RAB13: variants seen among roughly 807,000 people sequenced by gnomAD.
The protein encoded by RAB13 is ras-related protein Rab-13.
Under a neutral mutation model 29.3 loss-of-function variants are expected in RAB13, and 15 were observed. The observed-to-expected ratio is 0.51, with a 90% confidence interval of 0.34 to 0.79. The LOEUF is 0.79. Among genes scored for constraint, RAB13 ranks in the 30% least tolerant of loss-of-function variants. The pLI is 0.01. For missense variants in RAB13, 186 were observed against 255.5 expected, an observed-to-expected ratio of 0.73 and a Z score of 1.85; for synonymous variants, 82 against 93.8, an observed-to-expected ratio of 0.87 and a Z score of 0.73.
At chr1:153,987,806 C>G (rs1649226562), upstream of RAB13, among the ~76,000 whole-genome samples, 1 of 141,406 alleles carries the variant, frequency 7.1e-6, no homozygotes, top group Non-Finnish European at 1.5e-5. Flanking sequence ...AAAAAATTAG[C>G]CATACATGGT....
intron 1 of RAB13, 179 bp from the exon 2 acceptor site, chr1:153,984,960 A>G: frequency 7.4e-7 from 1 of 1,349,292 alleles, no homozygotes; most frequent in Non-Finnish European, 9.5e-7. Context: ...GTATTTGTAT[A>G]GCAAGAATAC....
At chr1:153,990,684 C>A, upstream of RAB13, 2 of 1,444,628 alleles carry the variant, frequency 1.4e-6, no homozygotes, top group Non-Finnish European at 1.9e-6. Flanking sequence ...GTAAGACGTT[C>A]CAAACATGGT....
intron 2 of RAB13, among the ~76,000 whole-genome samples, chr1:153,984,040 A>C (rs1372152024): frequency 6.6e-6 from 1 of 151,642 alleles, no homozygotes; most frequent in Non-Finnish European, 1.5e-5. Flanking sequence ...AGCCCGGCCT[A>C]GTGGCGGGCG....
upstream of RAB13, among the ~76,000 whole-genome samples, chr1:153,987,660 C>T (rs765072050): frequency 1.7e-4 from 25 of 150,780 alleles, no homozygotes; most frequent in Non-Finnish European, 3.4e-4. Context: ...TTATCTAAGA[C>T]CTGTTGCGGT....
At chr1:153,982,830 AAGTT>A (rs1649033693) in intron 4 of RAB13, 22 bp from the exon 5 acceptor site, 1 of 1,613,012 alleles carries the variant, frequency 6.2e-7, no homozygotes, top group Non-Finnish European at 8.5e-7. Flanking sequence ...AGACAAGTAA[AAGTT>A]AGGTCCTGCC....
upstream of RAB13, among the ~76,000 whole-genome samples, chr1:153,988,485 G>T (rs1649252620): frequency 6.8e-6 from 1 of 147,208 alleles, no homozygotes; most frequent in Non-Finnish European, 1.5e-5. Flanking sequence ...GAGAGACGGG[G>T]TTTCACCGTG....
chr1:153,986,077 G>A lies in RAB13; in HGVS notation c.124+36C>T, dbSNP rs199609434. ...CGGGAGCCGGAGAAGGAGGTCACAG[G>A]AGAGTCGGGGTCTGGGACATGGCCA... On this transcript the variant is annotated intron_variant, in intron 1 of 7. Coordinates refer to ENST00000368575, the MANE Select transcript of RAB13 (RefSeq NM_002870.5). The A allele has an allele frequency of 1.1e-4, 178 of 1,612,068 alleles. No homozygotes were observed. The African/African-American group carries it at 1.8e-3, about 16-fold the overall frequency.
chr1:153,989,981 G>C (rs953398007), upstream of RAB13, among the ~76,000 whole-genome samples: 1 of 152,072 alleles, frequency 6.6e-6, no homozygotes, highest in Non-Finnish European at 1.5e-5. Flanking sequence ...CCCTTCTCAA[G>C]CTAAACTATT....
chr1:153,984,693 G>C (rs1367839411), intron 2 of RAB13, 28 bp downstream of exon 2: 1 of 1,593,164 alleles, frequency 6.3e-7, no homozygotes, highest in Admixed American at 1.7e-5. Context: ...GGGGAAGTCT[G>C]GCGAGGCATC....
chr1:153,982,286 C>T (rs188759070), intron 7 of RAB13, 105 bp downstream of exon 7: 114 of 1,486,272 alleles, frequency 7.7e-5, no homozygotes, highest in East Asian at 7.5e-4. Context: ...CATTGCTCCC[C>T]GTTTTTATCA....
At position 153,982,094 on chromosome 1, in the gene RAB13, G is replaced by T. The variant is rs771845750; in HGVS notation, c.*5C>A. On this transcript the variant is annotated 3_prime_UTR_variant, in exon 8 of 8. Transcript: ENST00000368575. ...CTTCCGGGGTGGGGAGGCAAGAAAG[G>T]GTCCTCAGCCCAGGGAGCACTTGTT... The T allele has an allele frequency of 3.1e-6, 5 of 1,612,834 alleles. No individual in the cohort carries two copies. Among genetic ancestry groups the T allele is most frequent in the Admixed American group, 3.3e-5 (2 of 59,962 alleles).
chr1:153,987,821 T>TG (rs1649227229), upstream of RAB13, among the ~76,000 whole-genome samples: 1 of 146,320 alleles, frequency 6.8e-6, no homozygotes, highest in Admixed American at 6.9e-5. Context: ...CATGGTGGTG[T>TG]GGCCTGTAGT....
chr1:153,983,461 T>C (rs1649061023), intron 3 of RAB13, 60 bp downstream of exon 3: 1 of 1,542,182 alleles, frequency 6.5e-7, no homozygotes, highest in Non-Finnish European at 9.0e-7. Context: ...TGACCCTTTG[T>C]ATTCATAATA....
At chr1:153,982,324 C>T in intron 7 of RAB13, 67 bp downstream of exon 7, 1 of 1,498,406 alleles carries the variant, frequency 6.7e-7, no homozygotes, top group South Asian at 1.1e-5. Context: ...CACACACACA[C>T]ACACACACAC....
At chr1:153,984,054 G>A (rs1162775470) in intron 2 of RAB13, among the ~76,000 whole-genome samples, 2 of 151,520 alleles carry the variant, frequency 1.3e-5, no homozygotes, top group Admixed American at 6.6e-5. Flanking sequence ...GCGGGCGCCT[G>A]TAATCCCAGC....
chr1:153,987,878 C>A (rs925948787), upstream of RAB13, among the ~76,000 whole-genome samples: 1 of 151,698 alleles, frequency 6.6e-6, no homozygotes, highest in Non-Finnish European at 1.5e-5. Flanking sequence ...AACACTTGAG[C>A]CCAAGAGTCC....
chr1:153,982,193 A>T lies in RAB13; in HGVS notation c.535-17T>A. 1 of 1,609,438 alleles carries T rather than the reference A, an allele frequency of 6.2e-7. No individual in the cohort carries two copies. The highest frequency in any genetic ancestry group is 8.5e-7 in the Non-Finnish European group (1 of 1,175,782). ...GCCGTTTCCCTAGAGGGAGAAGGGCACAGGTGTCATGGTGTGAATGGATGG... is the reference window on the plus strand; with the variant it reads ...GCCGTTTCCCTAGAGGGAGAAGGGCTCAGGTGTCATGGTGTGAATGGATGG... On this transcript the variant is annotated splice_polypyrimidine_tract_variant and intron_variant, in intron 7 of 7. Coordinates refer to ENST00000368575, the MANE Select transcript of RAB13 (RefSeq NM_002870.5).
chr1:153,989,551 G>A (rs1012433015), upstream of RAB13, among the ~76,000 whole-genome samples: 7 of 151,572 alleles, frequency 4.6e-5, no homozygotes, highest in Admixed American at 3.9e-4. Flanking sequence ...GCCCGGGCAA[G>A]AAAAAATTAT....
At chr1:153,985,658 G>C (rs1288951873) in intron 1 of RAB13, among the ~76,000 whole-genome samples, 2 of 152,160 alleles carry the variant, frequency 1.3e-5, no homozygotes, top group East Asian at 3.8e-4. Flanking sequence ...GGGAACCTGG[G>C]AAGTAGATGG....
Sources: gnomAD v4.1 joint callset for allele counts (sites outside exome capture counted in the v4.1 genomes callset) on GRCh38, gnomAD v4.1.1 for gene constraint, MANE v1.5 for transcripts, NCBI Gene and HGNC (gene_info 2026-07-23, HGNC 2026-07-21) for gene names.